BMS1: variants seen among roughly 807,000 people sequenced by gnomAD.
BMS1 encodes the protein ribosome biogenesis protein BMS1 homolog.
In BMS1, 53 loss-of-function variants were observed where a neutral mutation model predicts 138.7. The observed-to-expected ratio is 0.38, with a 90% CI of 0.31 to 0.48. BMS1 has a LOEUF of 0.48. BMS1 is among the 20% of genes least tolerant of loss of function. The pLI is 0.97. For synonymous variants in BMS1, 504 were observed against 539.9 expected (o/e 0.93, Z 0.92); for missense variants, 1,360 against 1,565.5 (o/e 0.87, Z 2.22).
chr10:42,799,511 T>C (rs1276811904), intron 12 of BMS1, among the ~76,000 whole-genome samples: 1 of 152,240 alleles, frequency 6.6e-6, no homozygotes, highest in Non-Finnish European at 1.5e-5. Context: ...GCCCAATTGC[T>C]ATCATACTGT....
In BMS1 at chr10:42,816,100, G is replaced by A. The variant is rs142534960; in HGVS notation, c.2330-499G>A. Among the ~76,000 whole-genome samples the A allele has an allele frequency of 5.8e-3, 876 of 152,222 alleles. 11 individuals carry two copies. Among genetic ancestry groups the A allele is most frequent in the African/African-American group, 0.019 (807 of 41,526 alleles). On this transcript the variant is annotated intron_variant, in intron 13 of 22. Coordinates refer to ENST00000374518, the MANE Select transcript of BMS1 (RefSeq NM_014753.4). ...GCAGATCACGAGGTCAGGAGTTCGA[G>A]ACCAGCCTGGCCAATTGGTGAAATC...
chr10:42,803,485 G>C (rs1006452406), intron 13 of BMS1, among the ~76,000 whole-genome samples: 4 of 151,356 alleles, frequency 2.6e-5, no homozygotes, highest in Non-Finnish European at 5.9e-5. Context: ...TTTTTTTTCT[G>C]GGCCTTCTAG....
chr10:42,826,481 G>A lies in BMS1; in HGVS notation c.3456+2697G>A, dbSNP rs563821468. On this transcript the variant is annotated intron_variant, in intron 21 of 22. Transcript: ENST00000374518. ...CAGCATCTCAGTCTCTACGAGGCCA[G>A]GCGCAGCATCAGCAAGGACCCCAGA... 5.9e-5 allele frequency among the ~76,000 whole-genome samples: 9 copies of A among 152,314 alleles called. No homozygotes were observed. The South Asian group carries it at 1.0e-3, about 18-fold the overall frequency.
intron 13 of BMS1, among the ~76,000 whole-genome samples, chr10:42,808,270 T>A (rs1029501503): frequency 7.4e-5 from 11 of 147,690 alleles, no homozygotes; most frequent in Admixed American, 4.0e-4. Flanking sequence ...AGTTTTTATT[T>A]TTTATTTATT....
At chr10:42,797,903 T>C (rs1203748034) in intron 11 of BMS1, among the ~76,000 whole-genome samples, 2 of 152,208 alleles carry the variant, frequency 1.3e-5, no homozygotes, top group African/African-American at 4.8e-5. Context: ...TTTGCCCTTG[T>C]CCTCTGATTT....
rs1421308176 is a variant in BMS1 at position 42,832,037 on chromosome 10, T to A, written c.*941T>A. ...TGTTTCACACATATAACAATCAGGATGTTGACATCAATACAGCCCGCTGAT... is the reference window on the plus strand; with the variant it reads ...TGTTTCACACATATAACAATCAGGAAGTTGACATCAATACAGCCCGCTGAT... On this transcript the variant is annotated 3_prime_UTR_variant, in exon 23 of 23. Transcript: ENST00000374518. The A allele has an allele frequency of 1.3e-5, 2 of 152,200 alleles. No homozygotes were observed. Among genetic ancestry groups the A allele is most frequent in the Non-Finnish European group, 2.9e-5 (2 of 68,044 alleles). The allele number at this position is 152,200 out of a possible 1,614,324, so 9.4% of individuals were successfully genotyped here.
chr10:42,783,476 G>A (rs1293565778), intron 1 of BMS1, among the ~76,000 whole-genome samples: 1 of 152,110 alleles, frequency 6.6e-6, no homozygotes, highest in African/African-American at 2.4e-5. Context: ...CTGGCACAGT[G>A]CCTAGCACAT....
intron 8 of BMS1, 70 bp from the exon 9 acceptor site, chr10:42,793,782 T>C (rs528773788): frequency 9.2e-5 from 140 of 1,513,994 alleles, no homozygotes; most frequent in Non-Finnish European, 1.4e-5. Flanking sequence ...TTTGAGAAAC[T>C]GAGTGAAGCT....
intron 4 of BMS1, among the ~76,000 whole-genome samples, chr10:42,790,080 G>T (rs1841454002): frequency 1.3e-5 from 2 of 152,178 alleles, no homozygotes; most frequent in African/African-American, 2.4e-5. Context: ...TTTCCGTCCA[G>T]GGCCAGGTAG....
chr10:42,794,869 T>C (rs1841627231), intron 9 of BMS1, among the ~76,000 whole-genome samples: 1 of 152,016 alleles, frequency 6.6e-6, no homozygotes, highest in African/African-American at 2.4e-5. Context: ...CCCACTAACT[T>C]GTCATCTAGC....
Position 42,790,448 on chromosome 10 carries a change from T to C in BMS1, c.573T>C (p.His191=), listed in dbSNP as rs765945930. 2 of 1,613,950 alleles carry C rather than the reference T, an allele frequency of 1.2e-6. No individual in the cohort carries two copies. Among genetic ancestry groups the C allele is most frequent in the Non-Finnish European group, 1.7e-6 (2 of 1,179,852 alleles). The change falls in exon 5 of 23, where the codon CAT becomes CAC. Residue 191 remains histidine (H), a synonymous_variant. Coordinates refer to ENST00000374518, the MANE Select transcript of BMS1 (RefSeq NM_014753.4). ...TCACCCACCTCGACTCCTTCAAGCA[T>C]AATAAGCAACTGAAGAAGACAAAGA... is the stretch of plus-strand genomic sequence containing the variant. ...GVLTHLDSFK[H]NKQLKKTKKR...
chr10:42,796,320 A>G (rs991084020), intron 9 of BMS1, among the ~76,000 whole-genome samples, 154 bp from the exon 10 acceptor site: 55 of 152,316 alleles, frequency 3.6e-4, no homozygotes, highest in Non-Finnish European at 4.9e-4. Context: ...AACTCTTCCA[A>G]TGTTTATCAA....
rs1489551202 is a variant in BMS1 at position 42,823,184 on chromosome 10, A to G, written c.3199A>G (p.Ile1067Val). ...TGCTGTGATTCGAACAGTCAGTGGG[A>G]TAAGGGGGCAGATCAAGAAAGCACT... ...EGAVIRTVSG[I>V]RGQIKKALRA... is the part of the protein sequence containing the mutation. Residue 1067 changes from isoleucine to valine, a missense_variant, in exon 20 of 23, where the codon ATA (isoleucine) becomes GTA (valine). Ile to Val is a conservative substitution (Grantham distance 29, BLOSUM62 3). Coordinates refer to ENST00000374518, the MANE Select transcript of BMS1 (RefSeq NM_014753.4). 1 of 1,608,836 alleles carries G rather than the reference A, an allele frequency of 6.2e-7. No homozygotes were observed. The highest frequency in any genetic ancestry group is 8.5e-7 in the Non-Finnish European group (1 of 1,178,890).
In BMS1 at chr10:42,790,297, T is replaced by G. The variant is rs370660118; in HGVS notation, c.448-26T>G. The G allele has an allele frequency of 5.0e-5, 81 of 1,610,802 alleles. 1 individual carries two copies. Among genetic ancestry groups the G allele is most frequent in the East Asian group, 2.0e-4 (9 of 44,878 alleles). On this transcript the variant is annotated intron_variant, in intron 4 of 22. Coordinates refer to ENST00000374518, the MANE Select transcript of BMS1 (RefSeq NM_014753.4). ...AGGTGGTCTGTTTTGGTAGTTTCTTTGAGAAATTATGTGTTCTGCTTTTAG... is the reference window on the plus strand; with the variant it reads ...AGGTGGTCTGTTTTGGTAGTTTCTTGGAGAAATTATGTGTTCTGCTTTTAG...
At chr10:42,792,655 A>G in intron 7 of BMS1, 41 bp downstream of exon 7, 2 of 1,574,536 alleles carry the variant, frequency 1.3e-6, no homozygotes, top group Non-Finnish European at 1.7e-6. Flanking sequence ...TACACATAGG[A>G]TTCTTGGGAT....
intron 13 of BMS1, among the ~76,000 whole-genome samples, chr10:42,809,339 G>T (rs936638033): frequency 6.6e-5 from 10 of 151,814 alleles, no homozygotes; most frequent in African/African-American, 2.4e-4. Context: ...GCCTGGGATT[G>T]TCTACACAGA....
chr10:42,815,586 G>A (rs1842326057), intron 13 of BMS1, among the ~76,000 whole-genome samples: 1 of 151,942 alleles, frequency 6.6e-6, no homozygotes, highest in African/African-American at 2.4e-5. Flanking sequence ...TTTTGAGACA[G>A]GGTCTCACTC....
At chr10:42,823,334 A>G in intron 20 of BMS1, 69 bp downstream of exon 20, 1 of 1,485,068 alleles carries the variant, frequency 6.7e-7, no homozygotes, top group East Asian at 2.4e-5. Flanking sequence ...CAGTGTGACG[A>G]GAGGCTGGAG....
chr10:42,808,775 A>C (rs532653085), intron 13 of BMS1, among the ~76,000 whole-genome samples: 1 of 152,066 alleles, frequency 6.6e-6, no homozygotes, highest in Non-Finnish European at 1.5e-5. Context: ...ATTTTATTGA[A>C]TTGCTTTTGA....
Sources: allele counts gnomAD v4.1 joint callset (sites outside exome capture counted in the v4.1 genomes callset), GRCh38; gene constraint gnomAD v4.1.1; transcripts MANE v1.5; gene names NCBI Gene and HGNC (gene_info 2026-07-23, HGNC 2026-07-21).